Variants in RIT2 observed in about 807,000 individuals in gnomAD.
The protein encoded by RIT2 is GTP-binding protein Rit2.
A neutral mutation model predicts 23.7 loss-of-function variants in RIT2; 24 were observed. That is an observed-to-expected ratio of 1.01 (90% confidence interval 0.73 to 1.43). The LOEUF is 1.43. Ranked by LOEUF, RIT2 falls within the 40% of genes most tolerant of loss-of-function variation. RIT2 has a pLI of 0.00. For missense variants in RIT2, 236 were observed against 266.9 expected, an observed-to-expected ratio of 0.88 and a Z score of 0.81; for synonymous variants, 107 against 91.1, an observed-to-expected ratio of 1.17 and a Z score of -0.99.
chr18:42,781,198 A>AGTATG (rs10651056), intron 4 of RIT2, among the ~76,000 whole-genome samples: 149,465 of 152,130 alleles, frequency 0.98, 73,498 homozygotes, highest in Middle Eastern at 1. Flanking sequence ...TATGTATTGT[A>AGTATG]TAAGGAGTAA....
chr18:43,031,828 G>A (rs1911860801), intron 2 of RIT2, among the ~76,000 whole-genome samples: 1 of 151,990 alleles, frequency 6.6e-6, no homozygotes, highest in Non-Finnish European at 1.5e-5. Context: ...TATCTCAATT[G>A]TGAAAAAAGT....
At chr18:42,896,141 G>A (rs1443371316) in intron 4 of RIT2, among the ~76,000 whole-genome samples, 1 of 152,186 alleles carries the variant, frequency 6.6e-6, no homozygotes, top group African/African-American at 2.4e-5. Flanking sequence ...GCAAGCGCCT[G>A]TAATCCCAGC....
intron 4 of RIT2, among the ~76,000 whole-genome samples, chr18:42,896,527 C>A (rs1261125275): frequency 6.6e-6 from 1 of 151,916 alleles, no homozygotes; most frequent in African/African-American, 2.4e-5. Flanking sequence ...TCTTTTCTTT[C>A]TGTTTCAAGC....
At chr18:43,083,657 G>A (rs1406180599) in intron 1 of RIT2, among the ~76,000 whole-genome samples, 1 of 152,120 alleles carries the variant, frequency 6.6e-6, no homozygotes, top group African/African-American at 2.4e-5. Context: ...TTAATAAATG[G>A]TGTTGGGAAA....
chr18:43,025,226 C>CA lies in RIT2; in HGVS notation c.160+8584dup, dbSNP rs1282557268. On this transcript the variant is annotated intron_variant, in intron 2 of 4. Coordinates refer to ENST00000326695, the MANE Select transcript of RIT2 (RefSeq NM_002930.4). ...TCTGTCTAAAAAAAACAAAACAAAA[C>CA]AAAAAAAAAACAAAAAAAAAAACAG... 6.2e-3 allele frequency among the ~76,000 whole-genome samples: 671 copies of CA among 108,834 alleles called. 4 individuals carry two copies. The highest frequency in any genetic ancestry group is 8.5e-3 in the Non-Finnish European group (423 of 49,648). 71.4% of individuals were successfully genotyped at this position (108,834 alleles called of 152,430 possible). A position where few individuals can be genotyped will look rare whatever the true frequency, so the allele number is the denominator to read the frequency against.
intron 2 of RIT2, among the ~76,000 whole-genome samples, chr18:43,010,095 A>T (rs1469291078): frequency 6.6e-6 from 1 of 151,834 alleles, no homozygotes; most frequent in Non-Finnish European, 1.5e-5. Context: ...TAAAATGTGT[A>T]TCAGCAAGCA....
At chr18:42,942,943 T>C (rs963765975) in intron 3 of RIT2, among the ~76,000 whole-genome samples, 7 of 152,150 alleles carry the variant, frequency 4.6e-5, no homozygotes, top group Non-Finnish European at 1.0e-4. Context: ...CCAGAGCTGG[T>C]TCCTTCTGGT....
chr18:42,837,413 C>T (rs976199038), intron 4 of RIT2, among the ~76,000 whole-genome samples: 7 of 151,568 alleles, frequency 4.6e-5, no homozygotes, highest in Non-Finnish European at 1.0e-4. Context: ...ATGATCCGCC[C>T]GACTTGGCCT....
intron 2 of RIT2, among the ~76,000 whole-genome samples, chr18:42,985,424 T>A (rs1910687621): frequency 6.6e-6 from 1 of 152,132 alleles, no homozygotes; most frequent in Non-Finnish European, 1.5e-5. Flanking sequence ...TCTAAATTTA[T>A]ATGGAAATGA....
At chr18:42,907,135 T>C (rs1271748920) in intron 4 of RIT2, among the ~76,000 whole-genome samples, 4 of 152,204 alleles carry the variant, frequency 2.6e-5, no homozygotes, top group Non-Finnish European at 5.9e-5. Flanking sequence ...TCTGATTTTG[T>C]GTAAGCTAGT....
intron 4 of RIT2, among the ~76,000 whole-genome samples, chr18:42,790,658 A>C (rs1256379100): frequency 6.6e-6 from 1 of 152,056 alleles, no homozygotes. Flanking sequence ...CCCACTTCTG[A>C]CCTCAGGTGT....
chr18:43,013,167 A>T (rs1286885500), intron 2 of RIT2, among the ~76,000 whole-genome samples: 1 of 151,828 alleles, frequency 6.6e-6, no homozygotes, highest in Non-Finnish European at 1.5e-5. Flanking sequence ...TTGCAACATC[A>T]CTGAACTGAT....
intron 2 of RIT2, among the ~76,000 whole-genome samples, chr18:43,003,761 GACACACACACACACACACACACACACAC>G (rs56860348): frequency 5.4e-5 from 7 of 129,522 alleles, no homozygotes; most frequent in South Asian, 5.8e-4. Flanking sequence ...CCTCCTCAGT[GACACACACACACACACACACACACACAC>G]ACACACACAC....
chr18:43,114,232 C>A (rs1049798499), intron 1 of RIT2, among the ~76,000 whole-genome samples: 1 of 151,984 alleles, frequency 6.6e-6, no homozygotes, highest in Non-Finnish European at 1.5e-5. Flanking sequence ...GTACCTATTT[C>A]TTTTATTTTT....
intron 1 of RIT2, among the ~76,000 whole-genome samples, chr18:43,105,547 T>C (rs959575073): frequency 1.6e-5 from 2 of 122,888 alleles, no homozygotes; most frequent in Non-Finnish European, 3.5e-5. Context: ...AGGTGTAATA[T>C]TGGGCAATAT....
intron 4 of RIT2, among the ~76,000 whole-genome samples, chr18:42,863,931 A>G (rs1216693104): frequency 1.3e-5 from 2 of 152,174 alleles, no homozygotes; most frequent in Non-Finnish European, 1.5e-5. Flanking sequence ...AACTAATTGC[A>G]TCAGGTACTG....
At chr18:43,039,051 A>G (rs1344409413) in intron 1 of RIT2, among the ~76,000 whole-genome samples, 1 of 152,178 alleles carries the variant, frequency 6.6e-6, no homozygotes, top group Non-Finnish European at 1.5e-5. Context: ...CTTGAAGATG[A>G]ATACCACTTT....
chr18:42,907,645 T>C (rs1178988186), intron 4 of RIT2, among the ~76,000 whole-genome samples: 4 of 152,154 alleles, frequency 2.6e-5, no homozygotes, highest in Non-Finnish European at 5.9e-5. Context: ...AAGACAATTA[T>C]TTGATACCAA....
At chr18:42,948,672 C>G (rs1281609686) in intron 3 of RIT2, among the ~76,000 whole-genome samples, 2 of 152,074 alleles carry the variant, frequency 1.3e-5, no homozygotes, top group Non-Finnish European at 2.9e-5. Flanking sequence ...TCCTTATCCT[C>G]TGAAAAGTGT....
Sources: allele counts gnomAD v4.1 joint callset (sites outside exome capture counted in the v4.1 genomes callset), GRCh38; gene constraint gnomAD v4.1.1; transcripts MANE v1.5; gene names NCBI Gene and HGNC (gene_info 2026-07-23, HGNC 2026-07-21).